FCRL2: variants seen among roughly 807,000 people sequenced by gnomAD.
The protein encoded by FCRL2 is Fc receptor like 2, also known as Fc receptor-like protein 2.
A neutral mutation model predicts 59.8 loss-of-function variants in FCRL2; 48 were observed. That is an observed-to-expected ratio of 0.80 (90% CI 0.64 to 1.02). FCRL2 has a LOEUF of 1.02. Among genes scored for constraint, FCRL2 ranks in the 50% least tolerant of loss-of-function variants. The pLI is 0.00. For missense variants in FCRL2, 658 were observed against 597.3 expected, an observed-to-expected ratio of 1.10 and a Z score of -1.06; for synonymous variants, 251 against 229.5, an observed-to-expected ratio of 1.09 and a Z score of -0.85.
At chr1:157,760,698 G>GGAAAGAAAGAAAT (rs1553203602) in intron 7 of FCRL2, among the ~76,000 whole-genome samples, 1 of 97,206 alleles carries the variant, frequency 1.0e-5, no homozygotes, top group African/African-American at 4.7e-5. Context: ...AAAGAAAGAA[G>GGAAAGAAAGAAAT]GAAAGAAAGA....
rs2101653486 is a variant in FCRL2 at position 157,745,923 on chromosome 1, G to A, written c.*813C>T. ...ATAAAGCAAGTCACACAGATTTTTT[G>A]GTTTCCCAGTGCATATAAGTTATGT... On this transcript the variant is annotated 3_prime_UTR_variant, in exon 12 of 12. Coordinates refer to ENST00000361516, the MANE Select transcript of FCRL2 (RefSeq NM_030764.4). 1 of 152,094 alleles carries A rather than the reference G, an allele frequency of 6.6e-6. No homozygotes were observed. The highest frequency in any genetic ancestry group is 1.9e-4 in the East Asian group (1 of 5,184). The allele number at this position is 152,094 out of a possible 1,614,324, so 9.4% of individuals were successfully genotyped here.
chr1:157,769,812 AAG>A (rs1218445906), intron 4 of FCRL2, 52 bp downstream of exon 4: 2 of 1,566,508 alleles, frequency 1.3e-6, no homozygotes, highest in African/African-American at 2.7e-5. Flanking sequence ...GTCCAAGCTG[AAG>A]CTATAACACT....
At chr1:157,765,354 C>A (rs1030999576) in intron 7 of FCRL2, among the ~76,000 whole-genome samples, 2 of 152,172 alleles carry the variant, frequency 1.3e-5, no homozygotes, top group Admixed American at 6.5e-5. Context: ...CTGTCAAATT[C>A]TACCAAATGT....
chr1:157,758,721 A>G (rs1488674089), intron 7 of FCRL2, among the ~76,000 whole-genome samples: 1 of 151,022 alleles, frequency 6.6e-6, no homozygotes, highest in Non-Finnish European at 1.5e-5. Context: ...GAGGGCTAAC[A>G]CTATACAACT....
At chr1:157,763,846 T>C (rs1287461556) in intron 7 of FCRL2, among the ~76,000 whole-genome samples, 3 of 151,890 alleles carry the variant, frequency 2.0e-5, no homozygotes, top group Non-Finnish European at 4.4e-5. Context: ...CTGGCCAACA[T>C]GGTGAAACCC....
In FCRL2 at chr1:157,766,954, T is replaced by C. The variant is rs1260013222; in HGVS notation, c.1180A>G (p.Arg394Gly). ...AGAACTCCAGCTGTCATGAGGTCTCTTCTATAGCCATCAGGTCCTGAGGAA... is the reference window on the plus strand; with the variant it reads ...AGAACTCCAGCTGTCATGAGGTCTCCTCTATAGCCATCAGGTCCTGAGGAA... ...VSISGPDGYR[R>G]DLMTAGVLWG... Residue 394 changes from arginine (R) to glycine (G), a missense_variant, in exon 7 of 12, where the codon AGA becomes GGA. Arg to Gly is a moderately radical substitution (Grantham distance 125). Coordinates refer to ENST00000361516, the MANE Select transcript of FCRL2 (RefSeq NM_030764.4). The C allele has an allele frequency of 2.5e-6, 4 of 1,613,366 alleles. No individual in the cohort carries two copies. In the Admixed American group the frequency reaches 5.0e-5, roughly 20 times the overall value.
chr1:157,750,948 A>C (rs1275745551), intron 7 of FCRL2, among the ~76,000 whole-genome samples: 1 of 152,242 alleles, frequency 6.6e-6, no homozygotes, highest in Non-Finnish European at 1.5e-5. Context: ...CATGGTACAA[A>C]TAATATTCCT....
At chr1:157,762,952 C>A (rs915198692) in intron 7 of FCRL2, among the ~76,000 whole-genome samples, 1 of 152,154 alleles carries the variant, frequency 6.6e-6, no homozygotes, top group Non-Finnish European at 1.5e-5. Flanking sequence ...GAGTCCTAAG[C>A]CTGAAAGCGA....
chr1:157,775,646 T>C (rs1571303596), intron 2 of FCRL2, 129 bp downstream of exon 2: 2 of 949,672 alleles, frequency 2.1e-6, no homozygotes, highest in East Asian at 5.2e-5. Flanking sequence ...CCTCAGAACA[T>C]GTCAGCCTAG....
intron 7 of FCRL2, among the ~76,000 whole-genome samples, chr1:157,760,023 C>G (rs1475501563): frequency 1.3e-5 from 2 of 152,092 alleles, no homozygotes; most frequent in African/African-American, 4.8e-5. Flanking sequence ...TTCACAATAG[C>G]AAAGACATGG....
At chr1:157,764,785 A>T (rs1649371582) in intron 7 of FCRL2, among the ~76,000 whole-genome samples, 1 of 152,214 alleles carries the variant, frequency 6.6e-6, no homozygotes, top group African/African-American at 2.4e-5. Flanking sequence ...GAAAATTGAA[A>T]CGTAACATAC....
rs116199790 is a variant in FCRL2, at chr1:157,747,221, A to G, written c.1460-322T>C. On this transcript the variant is annotated intron_variant, in intron 10 of 11. Coordinates refer to ENST00000361516, the MANE Select transcript of FCRL2 (RefSeq NM_030764.4). Reference sequence around the variant, plus strand: ...CAGGGCTGTTTCCTGTTCTTTCTCTATGTTCCTGAGATAACCAATCATGTG... The same window carrying G: ...CAGGGCTGTTTCCTGTTCTTTCTCTGTGTTCCTGAGATAACCAATCATGTG... Among the ~76,000 whole-genome samples the G allele has an allele frequency of 6.8e-3, 1,040 of 152,214 alleles. 7 individuals are homozygous for G. Among genetic ancestry groups the G allele is most frequent in the Non-Finnish European group, 9.1e-3 (618 of 68,008 alleles).
rs1417143032 is a variant in FCRL2 at position 157,748,818 on chromosome 1, T to C, written c.1393+57A>G. On this transcript the variant is annotated intron_variant, in intron 9 of 11. Coordinates refer to ENST00000361516, the MANE Select transcript of FCRL2 (RefSeq NM_030764.4). ...CCACCCACCTAATGGTCTCCGCTCC[T>C]GTCTCCTCTTTCTTTTCTGACTCAG... is the stretch of plus-strand genomic sequence containing the variant. 4 of 1,540,262 alleles carry C rather than the reference T, an allele frequency of 2.6e-6. No homozygotes were observed. The Admixed American group carries it at 6.7e-5, about 26-fold the overall frequency.
At chr1:157,760,695 G>T (rs868862746) in intron 7 of FCRL2, among the ~76,000 whole-genome samples, 7 of 121,874 alleles carry the variant, frequency 5.7e-5, no homozygotes, top group African/African-American at 2.4e-4. Context: ...AAGAAAGAAA[G>T]AAGGAAAGAA....
intron 7 of FCRL2, among the ~76,000 whole-genome samples, chr1:157,757,408 G>GA (rs1359048442): frequency 6.6e-6 from 1 of 152,050 alleles, no homozygotes; most frequent in African/African-American, 2.4e-5. Context: ...GAAGGGTACA[G>GA]CAAACAACCA....
At chr1:157,768,262 C>G (rs1357605996) in intron 5 of FCRL2, 152 bp downstream of exon 5, 3 of 664,122 alleles carry the variant, frequency 4.5e-6, no homozygotes, top group Non-Finnish European at 7.6e-6. Context: ...AACAGGTCAG[C>G]AGTCTAACCT....
chr1:157,775,288 G>C (rs1416677249), intron 2 of FCRL2, among the ~76,000 whole-genome samples: 3 of 152,134 alleles, frequency 2.0e-5, no homozygotes, highest in Non-Finnish European at 4.4e-5. Flanking sequence ...TTACTCTCTT[G>C]CCTTTTACAG....
At chr1:157,748,382 C>T (rs960157081) in intron 10 of FCRL2, among the ~76,000 whole-genome samples, 171 bp downstream of exon 10, 6 of 152,030 alleles carry the variant, frequency 3.9e-5, no homozygotes, top group Non-Finnish European at 8.8e-5. Flanking sequence ...GACATTGCAC[C>T]ACTGCACTCC....
chr1:157,757,206 C>T (rs1349823905), intron 7 of FCRL2, among the ~76,000 whole-genome samples: 1 of 152,210 alleles, frequency 6.6e-6, no homozygotes, highest in Non-Finnish European at 1.5e-5. Flanking sequence ...TATATTAGCA[C>T]TTGTCCTTGC....
Sources: gnomAD v4.1 joint callset for allele counts (sites outside exome capture counted in the v4.1 genomes callset) on GRCh38, gnomAD v4.1.1 for gene constraint, MANE v1.5 for transcripts, NCBI Gene and HGNC (gene_info 2026-07-23, HGNC 2026-07-21) for gene names.